MATN1: variants seen among roughly 807,000 people sequenced by gnomAD.
MATN1 encodes the protein matrilin 1.
Under a neutral mutation model 41.3 loss-of-function variants are expected in MATN1, and 34 were observed. The observed-to-expected ratio is 0.82, with a 90% CI of 0.63 to 1.10. The LOEUF is 1.10. MATN1 is among the 50% of genes least tolerant of loss of function. The pLI is 0.00. For missense variants in MATN1, 602 were observed against 662.4 expected, an observed-to-expected ratio of 0.91 and a Z score of 1.00; for synonymous variants, 264 against 278.7, an observed-to-expected ratio of 0.95 and a Z score of 0.53.
Position 30,716,195 on chromosome 1 carries a change from C to A in MATN1, c.921G>T (p.Val307=). ...FISQIVDTLD[V]SDKLAQVGLV... is the part of the protein sequence containing the mutation. ...GCCCCACCTGGGCCAGCTTGTCTGACACGTCCAGCGTATCCACGATCTGAC... is the reference window on the plus strand; with the variant it reads ...GCCCCACCTGGGCCAGCTTGTCTGAAACGTCCAGCGTATCCACGATCTGAC... The change falls in exon 5 of 8, where the codon GTG becomes GTT. Residue 307 remains valine, a synonymous_variant. Coordinates refer to ENST00000373765, the MANE Select transcript of MATN1 (RefSeq NM_002379.3). 2 of 1,614,232 alleles carry A rather than the reference C, an allele frequency of 1.2e-6. No individual in the cohort carries two copies.
Position 30,716,162 on chromosome 1 carries a change from C to T in MATN1, c.954G>A (p.Gln318=), listed in dbSNP as rs777651814. Residue 318 remains glutamine, a synonymous_variant, in exon 5 of 8, where the codon CAG becomes CAA. Transcript: ENST00000373765. ...SDKLAQVGLV[Q]YSSSVRQEFP... ...ACTCCTGGCGCACAGAGCTTGAGTA[C>T]TGCACCAGCCCCACCTGGGCCAGCT... The T allele has an allele frequency of 3.7e-6, 6 of 1,614,230 alleles. No homozygotes were observed. The East Asian group carries it at 8.9e-5, about 24-fold the overall frequency.
chr1:30,716,793 T>C lies in MATN1; in HGVS notation c.787A>G (p.Asn263Asp), dbSNP rs1639623767. 8.1e-6 allele frequency: 13 copies of C among 1,613,710 alleles called. No individual in the cohort carries two copies. Among genetic ancestry groups the C allele is most frequent in the South Asian group, 1.1e-5 (1 of 91,068 alleles). The change falls in exon 4 of 8, where the codon AAT (asparagine) becomes GAT (aspartate). Residue 263 changes from asparagine to aspartate, a missense_variant. Physicochemically the swap from Asn to Asp is conservative, Grantham distance 23. Transcript: ENST00000373765. ...FTLNSDGKTC[N>D]VCSGGGGSSA... Reference sequence around the variant, plus strand: ...AGCCTGTGTCCACCCCACTGACCATTGCAGGTCTTGCCGTCGCTGTTCAGA... The same window carrying C: ...AGCCTGTGTCCACCCCACTGACCATCGCAGGTCTTGCCGTCGCTGTTCAGA...
chr1:30,719,915 G>A (rs942748443), intron 2 of MATN1: 1 of 152,590 alleles, frequency 6.6e-6, no homozygotes, highest in Non-Finnish European at 1.5e-5. Context: ...ACCTTCCTGA[G>A]CCTCAGTGTC....
chr1:30,722,449 A>G, intron 1 of MATN1, among the ~76,000 whole-genome samples: 1 of 152,254 alleles, frequency 6.6e-6, no homozygotes, highest in Non-Finnish European at 1.5e-5. Flanking sequence ...TGTCCTCCAG[A>G]GACCCAAGAA....
In MATN1 at chr1:30,716,204, C is replaced by T. The variant is rs536557037; in HGVS notation, c.912G>A (p.Thr304=). Reference sequence around the variant, plus strand: ...GGGCCAGCTTGTCTGACACGTCCAGCGTATCCACGATCTGACTGATGAACT... The same window carrying T: ...GGGCCAGCTTGTCTGACACGTCCAGTGTATCCACGATCTGACTGATGAACT... ...VKKFISQIVD[T]LDVSDKLAQV... Residue 304 remains threonine (T), a synonymous_variant, in exon 5 of 8, where the codon ACG becomes ACA. Transcript: ENST00000373765. 9.9e-6 allele frequency: 16 copies of T among 1,614,218 alleles called. No homozygotes were observed. Among genetic ancestry groups the T allele is most frequent in the East Asian group, 4.5e-5 (2 of 44,892 alleles).
At chr1:30,723,347 C>T (rs1297601242) in intron 1 of MATN1, 111 bp downstream of exon 1, 4 of 801,494 alleles carry the variant, frequency 5.0e-6, no homozygotes, top group South Asian at 2.2e-5. Flanking sequence ...GCCCTGCTCC[C>T]TTCCCCATCC....
chr1:30,714,436 G>C, intron 6 of MATN1, 109 bp from the exon 7 acceptor site: 1 of 875,836 alleles, frequency 1.1e-6, no homozygotes, highest in African/African-American at 1.7e-5. Flanking sequence ...CCGGGGAGGT[G>C]AGGGGCTTAA....
intron 6 of MATN1, 98 bp downstream of exon 6, chr1:30,715,059 C>A: frequency 6.9e-7 from 1 of 1,455,206 alleles, no homozygotes; most frequent in Non-Finnish European, 9.4e-7. Context: ...GCCACCTCGG[C>A]CCCTGCTTTT....
chr1:30,713,614 G>A lies in MATN1; in HGVS notation c.1459C>T (p.Arg487Trp), dbSNP rs898557693. ...LTRKLEAVSKRLAILENTVV is the reference protein window; with the variant it reads ...LTRKLEAVSKWLAILENTVV Reference sequence around the variant, plus strand: ...ACTGTGTTCTCCAGGATGGCCAGCCGCTTACTCACAGCTTCCAGTGGACTC... The same window carrying A: ...ACTGTGTTCTCCAGGATGGCCAGCCACTTACTCACAGCTTCCAGTGGACTC... Residue 487 changes from arginine (R) to tryptophan (W), a missense_variant, in exon 8 of 8, where the codon CGG becomes TGG. Coordinates refer to ENST00000373765, the MANE Select transcript of MATN1 (RefSeq NM_002379.3). 27 of 1,553,812 alleles carry A rather than the reference G, an allele frequency of 1.7e-5. No homozygotes were observed. Among genetic ancestry groups the A allele is most frequent in the Admixed American group, 1.2e-4 (6 of 51,140 alleles).
intron 3 of MATN1, 73 bp downstream of exon 3, chr1:30,718,662 C>T: frequency 2.5e-6 from 3 of 1,195,566 alleles, no homozygotes; most frequent in Non-Finnish European, 2.2e-6. Context: ...GTCCCGCCTC[C>T]AGCCCTGGCC....
Position 30,721,750 on chromosome 1 carries a change from G to T in MATN1, c.96C>A (p.Gly32=). The change falls in exon 2 of 8, where the codon GGC becomes GGA. Residue 32 remains glycine (G), a splice_region_variant and synonymous_variant. Transcript: ENST00000373765. Reference sequence around the variant, plus strand: ...CTGTGGGCCGCGTCCGGCAGAGATGGCCTGGGAGTGGGGCAGGAGGGGTAA... The same window carrying T: ...CTGTGGGCCGCGTCCGGCAGAGATGTCCTGGGAGTGGGGCAGGAGGGGTAA... ...CSPGLAPQSR[G]HLCRTRPTDL... 1 of 1,606,366 alleles carries T rather than the reference G, an allele frequency of 6.2e-7. No homozygotes were observed. Among genetic ancestry groups the T allele is most frequent in the Non-Finnish European group, 8.5e-7 (1 of 1,178,082 alleles).
In MATN1 at chr1:30,714,308, G is replaced by A. The variant is rs149688576; in HGVS notation, c.1380C>T (p.Cys460=). The A allele has an allele frequency of 3.5e-5, 57 of 1,610,518 alleles. No homozygotes were observed. The African/African-American group carries it at 5.5e-4, about 15-fold the overall frequency. Residue 460 remains cysteine (C), a synonymous_variant, in exon 7 of 8, where the codon TGC becomes TGT. Coordinates refer to ENST00000373765, the MANE Select transcript of MATN1 (RefSeq NM_002379.3). Reference sequence around the variant, plus strand: ...TGGCTTGGAATTTCACCAGGGACTCGCAGGCACACGGGTCTTCCTCTGCAG... The same window carrying A: ...TGGCTTGGAATTTCACCAGGGACTCACAGGCACACGGGTCTTCCTCTGCAG... ...KICVEEDPCA[C]ESLVKFQAKV... is the part of the protein sequence containing the mutation.
intron 1 of MATN1, among the ~76,000 whole-genome samples, chr1:30,723,058 C>A (rs934808392): frequency 6.6e-6 from 1 of 152,090 alleles, no homozygotes; most frequent in Non-Finnish European, 1.5e-5. Flanking sequence ...GGTGTTATTG[C>A]CCCCAGGGAG....
At chr1:30,714,426 C>T (rs1639591135) in intron 6 of MATN1, 99 bp from the exon 7 acceptor site, 1 of 974,140 alleles carries the variant, frequency 1.0e-6, no homozygotes, top group East Asian at 2.6e-5. Context: ...CTCAGGATTC[C>T]CGGGGAGGTG....
At chr1:30,716,637 C>T (rs1250616812) in intron 4 of MATN1, among the ~76,000 whole-genome samples, 153 bp downstream of exon 4, 1 of 152,264 alleles carries the variant, frequency 6.6e-6, no homozygotes, top group Non-Finnish European at 1.5e-5. Context: ...CAGGTGAGAA[C>T]TTCTGCAGAT....
At chr1:30,717,315 G>A (rs1283945108) in intron 3 of MATN1, among the ~76,000 whole-genome samples, 2 of 152,014 alleles carry the variant, frequency 1.3e-5, no homozygotes, top group South Asian at 2.1e-4. Flanking sequence ...TCTCAATAAC[G>A]TGCATGCTCT....
At chr1:30,714,441 G>A in intron 6 of MATN1, 114 bp from the exon 7 acceptor site, 1 of 806,968 alleles carries the variant, frequency 1.2e-6, no homozygotes. Context: ...GAGGTGAGGG[G>A]CTTAAGGGAC....
intron 6 of MATN1, 94 bp from the exon 7 acceptor site, chr1:30,714,421 G>A (rs1478999658): frequency 9.9e-7 from 1 of 1,005,226 alleles, no homozygotes; most frequent in African/African-American, 1.6e-5. Flanking sequence ...CAGGACTCAG[G>A]ATTCCCGGGG....
In MATN1 at chr1:30,721,707, C is replaced by T. The variant is rs1244172961; in HGVS notation, c.139G>A (p.Asp47Asn). ...TRPTDLVFVV[D>N]SSRSVRPVEF... ...ACAGGCCGAACGCTGCGAGAGCTGTCGACAACAAACACCAGGTCTGTGGGC... is the reference window on the plus strand; with the variant it reads ...ACAGGCCGAACGCTGCGAGAGCTGTTGACAACAAACACCAGGTCTGTGGGC... Residue 47 changes from aspartate to asparagine, a missense_variant, in exon 2 of 8, where the codon GAC (aspartate) becomes AAC (asparagine). Asp to Asn is a conservative substitution (Grantham distance 23). Transcript: ENST00000373765. 45 of 1,612,740 alleles carry T rather than the reference C, an allele frequency of 2.8e-5. No homozygotes were observed. Among genetic ancestry groups the T allele is most frequent in the East Asian group, 8.9e-5 (4 of 44,894 alleles).
Sources: gnomAD v4.1 joint callset for allele counts (sites outside exome capture counted in the v4.1 genomes callset) on GRCh38, gnomAD v4.1.1 for gene constraint, MANE v1.5 for transcripts, NCBI Gene and HGNC (gene_info 2026-07-23, HGNC 2026-07-21) for gene names.